Variants in TNIK observed in about 807,000 individuals in gnomAD.
TNIK encodes TRAF2 and NCK-interacting protein kinase.
TNIK carries 49 observed loss-of-function variants against 191.3 expected under a neutral mutation model. The observed-to-expected ratio is 0.26, with a 90% CI of 0.20 to 0.32. TNIK has a LOEUF of 0.32. TNIK is among the 10% of genes least tolerant of loss of function. TNIK has a pLI of 1.00. For missense variants in TNIK, 1,155 were observed against 1,702.3 expected, an observed-to-expected ratio of 0.68 and a Z score of 5.66; for synonymous variants, 594 against 600.9, an observed-to-expected ratio of 0.99 and a Z score of 0.17.
At chr3:171,346,712 G>A (rs1183741318) in intron 2 of TNIK, among the ~76,000 whole-genome samples, 4 of 79,346 alleles carry the variant, frequency 5.0e-5, no homozygotes, top group Non-Finnish European at 9.6e-5. Flanking sequence ...TTAATAACAG[G>A]AGAAGAACAT....
At chr3:171,312,428 CCTGA>C (rs1466546541) in intron 2 of TNIK, among the ~76,000 whole-genome samples, 8 of 151,824 alleles carry the variant, frequency 5.3e-5, no homozygotes, top group Admixed American at 1.3e-4. Flanking sequence ...AGGGTGGTAG[CCTGA>C]CTATTTAGAA....
Position 171,363,845 on chromosome 3 carries a change from G to A in TNIK, c.123+5775C>T, listed in dbSNP as rs11919364. 3.3e-3 allele frequency among the ~76,000 whole-genome samples: 500 copies of A among 152,292 alleles called. 4 individuals are homozygous for A. Among genetic ancestry groups the A allele is most frequent in the African/African-American group, 0.011 (474 of 41,564 alleles). ...GAGTTAAATTATTCAGCTTTAAACT[G>A]TAATCATAAGCATATCAAATAAAAA... On this transcript the variant is annotated intron_variant, in intron 2 of 32. Coordinates refer to ENST00000436636, the MANE Select transcript of TNIK (RefSeq NM_015028.4).
intron 2 of TNIK, among the ~76,000 whole-genome samples, chr3:171,305,023 AAAG>A (rs1260761571): frequency 6.7e-6 from 1 of 150,074 alleles, no homozygotes; most frequent in Admixed American, 6.7e-5. Flanking sequence ...AAAAAAAAAA[AAAG>A]AAATTGAAAA....
intron 2 of TNIK, among the ~76,000 whole-genome samples, chr3:171,304,902 A>G (rs1753263339): frequency 6.6e-6 from 1 of 151,950 alleles, no homozygotes; most frequent in Admixed American, 6.6e-5. Flanking sequence ...AGATATACCT[A>G]ATGCTAAACG....
At chr3:171,407,186 C>A (rs545996318) in intron 1 of TNIK, among the ~76,000 whole-genome samples, 7 of 151,952 alleles carry the variant, frequency 4.6e-5, no homozygotes, top group African/African-American at 1.7e-4. Flanking sequence ...AAAGAAATGG[C>A]GGAAGGAAGT....
chr3:171,277,658 A>G (rs567390461), intron 2 of TNIK, among the ~76,000 whole-genome samples: 2 of 152,236 alleles, frequency 1.3e-5, no homozygotes, highest in East Asian at 3.9e-4. Flanking sequence ...TTGTAAATGA[A>G]GTTTTAATGG....
At chr3:171,405,564 A>G (rs77134729) in intron 1 of TNIK, among the ~76,000 whole-genome samples, 11,417 of 151,046 alleles carry the variant, frequency 0.076, 571 homozygotes, top group Middle Eastern at 0.21. Flanking sequence ...GAGTTAAACA[A>G]CAGCCTGGAG....
intron 2 of TNIK, among the ~76,000 whole-genome samples, chr3:171,347,856 T>G (rs958178777): frequency 6.6e-6 from 1 of 152,174 alleles, no homozygotes; most frequent in Non-Finnish European, 1.5e-5. Context: ...TTTTAGTCAC[T>G]CATCAAGAGT....
intron 7 of TNIK, among the ~76,000 whole-genome samples, chr3:171,183,462 A>G (rs1305945383): frequency 6.6e-6 from 1 of 152,222 alleles, no homozygotes; most frequent in Admixed American, 6.5e-5. Context: ...GAAATGTTCC[A>G]GGTGGGAAAA....
At chr3:171,439,841 C>T (rs1726543862) in intron 1 of TNIK, among the ~76,000 whole-genome samples, 1 of 152,186 alleles carries the variant, frequency 6.6e-6, no homozygotes, top group Non-Finnish European at 1.5e-5. Flanking sequence ...GTGCCACCCA[C>T]CCACCTGGCC....
At chr3:171,313,260 C>T (rs1754249330) in intron 2 of TNIK, among the ~76,000 whole-genome samples, 1 of 148,036 alleles carries the variant, frequency 6.8e-6, no homozygotes, top group African/African-American at 2.6e-5. Flanking sequence ...TTCTTTCTTT[C>T]TTTCTTTCTT....
intron 3 of TNIK, among the ~76,000 whole-genome samples, chr3:171,223,178 A>G (rs1032407227): frequency 2.0e-5 from 3 of 152,114 alleles, no homozygotes; most frequent in Non-Finnish European, 4.4e-5. Context: ...ATGCCCTCTC[A>G]GCCTCATGCC....
chr3:171,376,766 A>AGATAGATAGATAGAT (rs1559993730), intron 1 of TNIK, among the ~76,000 whole-genome samples: 1 of 152,118 alleles, frequency 6.6e-6, no homozygotes, highest in African/African-American at 2.4e-5. Flanking sequence ...ATAGATAGAT[A>AGATAGATAGATAGAT]GATAGATAGA....
chr3:171,108,680 A>G (rs1258065446), intron 19 of TNIK, among the ~76,000 whole-genome samples: 1 of 152,126 alleles, frequency 6.6e-6, no homozygotes, highest in African/African-American at 2.4e-5. Flanking sequence ...TCCAATCAGG[A>G]TAGGTTATTT....
intron 2 of TNIK, among the ~76,000 whole-genome samples, chr3:171,235,979 C>T (rs1297546020): frequency 6.6e-6 from 1 of 152,152 alleles, no homozygotes; most frequent in African/African-American, 2.4e-5. Context: ...TTGGAACCCA[C>T]TTCTCTCTCC....
At chr3:171,247,616 A>G (rs1392578511) in intron 2 of TNIK, among the ~76,000 whole-genome samples, 1 of 152,224 alleles carries the variant, frequency 6.6e-6, no homozygotes, top group Non-Finnish European at 1.5e-5. Context: ...GTCAGTCTAC[A>G]GAGACAGAAG....
chr3:171,206,004 T>C (rs942909194), intron 4 of TNIK, among the ~76,000 whole-genome samples: 2 of 152,196 alleles, frequency 1.3e-5, no homozygotes, highest in African/African-American at 4.8e-5. Context: ...CACAAATGTT[T>C]AGTCCATAAC....
chr3:171,437,295 A>G (rs1269631165), intron 1 of TNIK, among the ~76,000 whole-genome samples: 3 of 152,158 alleles, frequency 2.0e-5, no homozygotes, highest in African/African-American at 7.2e-5. Context: ...GCTGAACTGC[A>G]TTTTGCAGAC....
intron 2 of TNIK, among the ~76,000 whole-genome samples, chr3:171,237,599 G>A (rs1744436441): frequency 6.6e-6 from 1 of 152,054 alleles, no homozygotes. Context: ...ATGTATGTTG[G>A]TAAAATTATA....
Sources: gnomAD v4.1 joint callset for allele counts (sites outside exome capture counted in the v4.1 genomes callset) on GRCh38, gnomAD v4.1.1 for gene constraint, MANE v1.5 for transcripts, NCBI Gene and HGNC (gene_info 2026-07-23, HGNC 2026-07-21) for gene names.